The following GORASP2 variants were observed in gnomAD, a reference collection of about 807,000 sequenced individuals.
GORASP2 encodes golgi reassembly stacking protein 2.
A neutral mutation model predicts 45.7 loss-of-function variants in GORASP2; 22 were observed. The observed-to-expected ratio is 0.48, with a 90% CI of 0.34 to 0.69. GORASP2 has a LOEUF of 0.69. Among genes scored for constraint, GORASP2 ranks in the 30% least tolerant of loss-of-function variants. GORASP2 has a pLI of 0.01. For synonymous variants in GORASP2, 221 were observed against 215.6 expected (o/e 1.02, Z -0.22); for missense variants, 491 against 562.7 (o/e 0.87, Z 1.29).
At chr2:170,963,635 A>G (rs556410363) in intron 9 of GORASP2, among the ~76,000 whole-genome samples, 2 of 151,474 alleles carry the variant, frequency 1.3e-5, no homozygotes, top group African/African-American at 4.9e-5. Context: ...CTGGGCTTGT[A>G]TTTTTTGTTT....
chr2:170,929,426 G>T, intron 1 of GORASP2, 23 bp downstream of exon 1: 2 of 1,357,756 alleles, frequency 1.5e-6, no homozygotes, highest in East Asian at 3.0e-5. Context: ...ACGGCGGCCG[G>T]GGAGCTGCGG....
intron 2 of GORASP2, 47 bp from the exon 3 acceptor site, chr2:170,949,492 C>T: frequency 1.4e-6 from 2 of 1,390,618 alleles, no homozygotes; most frequent in South Asian, 2.3e-5. Context: ...CTTAAGCTAA[C>T]ATTAAATTTT....
intron 7 of GORASP2, among the ~76,000 whole-genome samples, chr2:170,960,154 T>G (rs1216179055): frequency 6.6e-6 from 1 of 152,202 alleles, no homozygotes; most frequent in Non-Finnish European, 1.5e-5. Context: ...CTATGTATTT[T>G]GATCTTTCTC....
intron 5 of GORASP2, chr2:170,954,428 G>C (rs1387350040): frequency 2.0e-6 from 1 of 501,272 alleles, no homozygotes; most frequent in East Asian, 3.3e-5. Flanking sequence ...AGGGCAGGGT[G>C]TTGTTTTCTG....
chr2:170,946,993 C>T (rs1704193345), intron 1 of GORASP2, among the ~76,000 whole-genome samples: 1 of 152,078 alleles, frequency 6.6e-6, no homozygotes, highest in South Asian at 2.1e-4. Flanking sequence ...CACCATTAGG[C>T]AGCTATGGAA....
intron 4 of GORASP2, among the ~76,000 whole-genome samples, chr2:170,950,788 T>C (rs920332308): frequency 2.6e-5 from 4 of 152,008 alleles, no homozygotes; most frequent in Admixed American, 2.6e-4. Context: ...TCGAGACCAG[T>C]CTGGGCAGCA....
chr2:170,941,664 G>A (rs1306010804), intron 1 of GORASP2, among the ~76,000 whole-genome samples: 1 of 152,136 alleles, frequency 6.6e-6, no homozygotes, highest in Non-Finnish European at 1.5e-5. Flanking sequence ...CTCGGATATT[G>A]CTTGTGAGAT....
chr2:170,956,303 C>T (rs1339101862), intron 6 of GORASP2, 133 bp from the exon 7 acceptor site: 6 of 693,210 alleles, frequency 8.7e-6, no homozygotes, highest in Non-Finnish European at 9.4e-6. Flanking sequence ...TGGAGGCAGA[C>T]GTGCCAGATG....
intron 7 of GORASP2, among the ~76,000 whole-genome samples, chr2:170,960,410 T>G (rs2105328359): frequency 6.6e-6 from 1 of 152,340 alleles, no homozygotes; most frequent in South Asian, 2.1e-4. Flanking sequence ...AGCCCACTTG[T>G]GGGCCCTAGA....
At position 170,966,780 on chromosome 2, in the gene GORASP2, A is replaced by G. The variant is rs1047057704; in HGVS notation, c.*650A>G. ...TGTAACTGCTGCTGTTGCTTTCTACATACACCTTATAAAGTGACATTTCAA... is the reference window on the plus strand; with the variant it reads ...TGTAACTGCTGCTGTTGCTTTCTACGTACACCTTATAAAGTGACATTTCAA... On this transcript the variant is annotated 3_prime_UTR_variant, in exon 10 of 10. Coordinates refer to ENST00000234160, the MANE Select transcript of GORASP2 (RefSeq NM_015530.5). The G allele has an allele frequency of 3.2e-5, 5 of 153,922 alleles. No individual in the cohort carries two copies. The highest frequency in any genetic ancestry group is 3.2e-4 in the Admixed American group (5 of 15,560). The allele number at this position is 153,922 out of a possible 1,614,324, so 9.5% of individuals were successfully genotyped here.
At chr2:170,929,875 C>T (rs764027490) in intron 1 of GORASP2, 2 of 421,992 alleles carry the variant, frequency 4.7e-6, no homozygotes, top group South Asian at 1.6e-5. Flanking sequence ...TGTTAAATCA[C>T]CTCGGCGCCG....
chr2:170,966,099 CTG>C lies in GORASP2; in HGVS notation c.1331_1332del (p.Val444GlyfsTer6). The stretch of plus-strand genomic sequence containing the variant: ...GTCAGCGAGAAGCCTGTTTCTGCGG[CTG>C]TGGATGCCAATGCTTCTGAGTCACC... On this transcript the variant is annotated frameshift_variant, in exon 10 of 10. Coordinates refer to ENST00000234160, the MANE Select transcript of GORASP2 (RefSeq NM_015530.5). LOFTEE classifies it high-confidence loss of function. 1 of 1,613,860 alleles carries C rather than the reference CTG, an allele frequency of 6.2e-7. No homozygotes were observed. The highest frequency in any genetic ancestry group is 8.5e-7 in the Non-Finnish European group (1 of 1,179,718).
chr2:170,938,946 T>C (rs1032203885), intron 1 of GORASP2, among the ~76,000 whole-genome samples: 2 of 152,014 alleles, frequency 1.3e-5, no homozygotes, highest in Non-Finnish European at 2.9e-5. Context: ...TGAGCTGAGA[T>C]TGCATCACTG....
At chr2:170,949,482 C>T in intron 2 of GORASP2, 57 bp from the exon 3 acceptor site, 1 of 1,266,428 alleles carries the variant, frequency 7.9e-7, no homozygotes. Flanking sequence ...CCATAGGATG[C>T]TTAAGCTAAC....
intron 1 of GORASP2, among the ~76,000 whole-genome samples, chr2:170,941,130 A>G (rs1414951500): frequency 6.6e-6 from 1 of 152,156 alleles, no homozygotes; most frequent in Non-Finnish European, 1.5e-5. Context: ...GGAGAGAAGC[A>G]TTTCTTTCAC....
intron 5 of GORASP2, chr2:170,954,148 AAG>A (rs1433911843): frequency 1.6e-4 from 25 of 152,618 alleles, no homozygotes; most frequent in Admixed American, 1.6e-3. Flanking sequence ...CAGGTTCTGA[AAG>A]AGAACTATGG....
At chr2:170,931,552 T>G (rs539406066) in intron 1 of GORASP2, among the ~76,000 whole-genome samples, 28 of 152,266 alleles carry the variant, frequency 1.8e-4, no homozygotes, top group Non-Finnish European at 3.2e-4. Flanking sequence ...GAAGTTAGTT[T>G]TCTTGAATAA....
intron 9 of GORASP2, among the ~76,000 whole-genome samples, chr2:170,963,624 G>T (rs778758687): frequency 2.6e-5 from 4 of 151,776 alleles, no homozygotes; most frequent in Non-Finnish European, 5.9e-5. Flanking sequence ...TGCTCAGCTG[G>T]CTGGGCTTGT....
intron 1 of GORASP2, chr2:170,929,702 G>T (rs1296358865): frequency 3.3e-6 from 2 of 606,528 alleles, no homozygotes; most frequent in Non-Finnish European, 6.3e-6. Context: ...CTCTTTTTCC[G>T]CACGGCCTTC....
Sources: gnomAD v4.1 joint callset for allele counts (sites outside exome capture counted in the v4.1 genomes callset) on GRCh38, gnomAD v4.1.1 for gene constraint, MANE v1.5 for transcripts, NCBI Gene and HGNC (gene_info 2026-07-23, HGNC 2026-07-21) for gene names.